The following HIF1A variants were observed in gnomAD, a reference collection of about 807,000 sequenced individuals.
HIF1A encodes hypoxia inducible factor 1 subunit alpha.
Under a neutral mutation model 92.7 loss-of-function variants are expected in HIF1A, and 24 were observed. That is an observed-to-expected ratio of 0.26 (90% CI 0.19 to 0.36). HIF1A has a LOEUF of 0.36. HIF1A is among the 10% of genes least tolerant of loss of function. The pLI is 1.00. For missense variants in HIF1A, 799 were observed against 998.5 expected, an observed-to-expected ratio of 0.80 and a Z score of 2.69; for synonymous variants, 319 against 338.7, an observed-to-expected ratio of 0.94 and a Z score of 0.64.
At chr14:61,718,974 A>G (rs3783752) in intron 1 of HIF1A, among the ~76,000 whole-genome samples, 119,614 of 152,146 alleles carry the variant, frequency 0.79, 50,529 homozygotes, top group Non-Finnish European at 0.94. Flanking sequence ...TTGAGTAAGT[A>G]CTAAAACTAG....
chr14:61,743,540 G>C (rs1275491422), intron 12 of HIF1A, among the ~76,000 whole-genome samples: 1 of 152,094 alleles, frequency 6.6e-6, no homozygotes, highest in Non-Finnish European at 1.5e-5. Context: ...CAATATATCT[G>C]TATAAGAATT....
chr14:61,723,006 C>CT (rs2140138969), intron 4 of HIF1A, among the ~76,000 whole-genome samples: 1 of 152,212 alleles, frequency 6.6e-6, no homozygotes, highest in Admixed American at 6.5e-5. Context: ...ACATTTGTGC[C>CT]TTCTTAAGCA....
Position 61,747,068 on chromosome 14 carries a change from T to C in HIF1A, c.2464T>C (p.Leu822=). The change falls in exon 15 of 15, where the codon TTG becomes CTG. Residue 822 remains leucine (L), a synonymous_variant. Coordinates refer to ENST00000337138, the MANE Select transcript of HIF1A (RefSeq NM_001530.4). ...GCAGGGTGAAGAATTACTCAGAGCT[T>C]TGGATCAAGTTAACTGAGCTTTTTC... The part of the protein sequence containing the change: ...LLQGEELLRA[L]DQVN The C allele has an allele frequency of 1.2e-6, 2 of 1,609,446 alleles. No individual in the cohort carries two copies. The highest frequency in any genetic ancestry group is 1.7e-6 in the Non-Finnish European group (2 of 1,178,930).
At chr14:61,732,026 C>G (rs760532912) in intron 6 of HIF1A, among the ~76,000 whole-genome samples, 3 of 152,272 alleles carry the variant, frequency 2.0e-5, no homozygotes, top group Non-Finnish European at 4.4e-5. Context: ...ATCCCAGCTA[C>G]TTGGGAGGCT....
At chr14:61,701,072 T>C (rs1000747496) in intron 1 of HIF1A, among the ~76,000 whole-genome samples, 7 of 152,248 alleles carry the variant, frequency 4.6e-5, no homozygotes, top group African/African-American at 1.4e-4. Context: ...ACCTGTTCTA[T>C]TGTTGATAAA....
At chr14:61,728,087 C>G (rs768802621) in intron 6 of HIF1A, among the ~76,000 whole-genome samples, 11 of 152,016 alleles carry the variant, frequency 7.2e-5, no homozygotes, top group Non-Finnish European at 1.6e-4. Context: ...AATGATACAT[C>G]CTATAATATT....
chr14:61,738,199 C>G lies in HIF1A; in HGVS notation c.1362C>G (p.Pro454=). Residue 454 remains proline, a synonymous_variant, in exon 10 of 15, where the codon CCC becomes CCG. Transcript: ENST00000337138. ...QNINLAMSPL[P]TAETPKPLRS... The stretch of plus-strand genomic sequence containing the variant: ...TAAATTTGGCAATGTCTCCATTACC[C>G]ACCGCTGAAACGCCAAAGCCACTTC... 6.2e-7 allele frequency: 1 copy of G among 1,614,064 alleles called. No homozygotes were observed. The highest frequency in any genetic ancestry group is 8.5e-7 in the Non-Finnish European group (1 of 1,179,992).
At chr14:61,733,463 C>G (rs2044600124) in intron 7 of HIF1A, among the ~76,000 whole-genome samples, 3 of 152,126 alleles carry the variant, frequency 2.0e-5, no homozygotes. Flanking sequence ...TGTTAAGATC[C>G]CCAAGATAAG....
rs571511839 is a variant in HIF1A at position 61,716,172 on chromosome 14, C to G, written c.36-4210C>G. Among the ~76,000 whole-genome samples, 84 of 152,066 alleles carry G rather than the reference C, an allele frequency of 5.5e-4. 1 individual carries two copies. The highest frequency in any genetic ancestry group is 2.0e-3 in the African/African-American group (83 of 41,472). ...AGAAATTAATAAGATTAAAAAGATG[C>G]GTAATATATAATATTGCAGAGTGCA... On this transcript the variant is annotated intron_variant, in intron 1 of 14. Transcript: ENST00000337138.
intron 1 of HIF1A, among the ~76,000 whole-genome samples, chr14:61,709,814 T>G (rs1250283158): frequency 2.0e-5 from 3 of 152,188 alleles, no homozygotes; most frequent in Non-Finnish European, 2.9e-5. Context: ...CAGTCTATAC[T>G]TTTCTTTAGG....
intron 1 of HIF1A, 51 bp from the exon 2 acceptor site, chr14:61,720,331 C>CT: frequency 7.3e-7 from 1 of 1,361,844 alleles, no homozygotes; most frequent in East Asian, 2.4e-5. Flanking sequence ...TTAAGGCAAA[C>CT]TAACTTGTAT....
At chr14:61,738,515 T>G in intron 10 of HIF1A, 142 bp downstream of exon 10, 1 of 794,758 alleles carries the variant, frequency 1.3e-6, no homozygotes, top group Non-Finnish European at 2.0e-6. Context: ...TTAAAATTAT[T>G]GCAAGAGCTA....
chr14:61,742,907 A>AAAAAC (rs71117851), intron 12 of HIF1A, among the ~76,000 whole-genome samples: 2 of 105,918 alleles, frequency 1.9e-5, no homozygotes, highest in Admixed American at 1.4e-4. Context: ...AAAAAAAAAA[A>AAAAAC]GTTGTTGGAC....
chr14:61,728,923 C>T (rs1488705441), intron 6 of HIF1A, among the ~76,000 whole-genome samples: 2 of 151,966 alleles, frequency 1.3e-5, no homozygotes, highest in Non-Finnish European at 2.9e-5. Context: ...TATAAAAATA[C>T]TAGATGAGGG....
At chr14:61,711,429 C>T (rs2044307061) in intron 1 of HIF1A, among the ~76,000 whole-genome samples, 1 of 152,058 alleles carries the variant, frequency 6.6e-6, no homozygotes, top group African/African-American at 2.4e-5. Context: ...ACCACATTTG[C>T]TTAGGACAAA....
At chr14:61,729,418 C>T (rs1005828509) in intron 6 of HIF1A, among the ~76,000 whole-genome samples, 3 of 150,944 alleles carry the variant, frequency 2.0e-5, no homozygotes, top group Non-Finnish European at 3.0e-5. Flanking sequence ...ACCAAGCTTG[C>T]ACCACTGCAC....
intron 1 of HIF1A, among the ~76,000 whole-genome samples, chr14:61,698,105 A>G (rs1199467688): frequency 6.6e-6 from 1 of 152,254 alleles, no homozygotes; most frequent in Non-Finnish European, 1.5e-5. Flanking sequence ...GCTTCAGGCC[A>G]GACTCCTTCA....
chr14:61,735,622 A>G (rs1384834483), intron 8 of HIF1A, among the ~76,000 whole-genome samples: 1 of 152,226 alleles, frequency 6.6e-6, no homozygotes, highest in Non-Finnish European at 1.5e-5. Flanking sequence ...TTGCATTATC[A>G]GTTCATTTCA....
At position 61,695,819 on chromosome 14, in the gene HIF1A, C is replaced by T. The variant is rs1009983707; in HGVS notation, c.15C>T (p.Gly5=). The T allele has an allele frequency of 8.2e-6, 13 of 1,594,420 alleles. No individual in the cohort carries two copies. In the African/African-American group the frequency reaches 1.6e-4, roughly 20 times the overall value. MEGA[G]GANDKKKISS... is the part of the protein sequence containing the mutation. ...ACCGATTCACCATGGAGGGCGCCGG[C>T]GGCGCGAACGACAAGAAAAAGTAAG... Residue 5 remains glycine, a synonymous_variant, in exon 1 of 15, where the codon GGC becomes GGT. Transcript: ENST00000337138.
Sources: gnomAD v4.1 joint callset for allele counts (sites outside exome capture counted in the v4.1 genomes callset) on GRCh38, gnomAD v4.1.1 for gene constraint, MANE v1.5 for transcripts, NCBI Gene and HGNC (gene_info 2026-07-23, HGNC 2026-07-21) for gene names.